DDC: variants seen among roughly 807,000 people sequenced by gnomAD.
DDC encodes dopa decarboxylase, also known as aromatic-L-amino-acid decarboxylase.
A neutral mutation model predicts 60.0 loss-of-function variants in DDC; 43 were observed. The ratio of observed to expected loss-of-function variants is 0.72; its 90% confidence interval spans 0.56 to 0.92. The LOEUF (loss-of-function observed/expected upper bound fraction) is 0.92. DDC is among the 40% of genes least tolerant of loss of function. The pLI is 0.00. For synonymous variants in DDC, 232 were observed against 234.6 expected, an observed-to-expected ratio of 0.99 and a Z score of 0.10; for missense variants, 573 against 620.2, an observed-to-expected ratio of 0.92 and a Z score of 0.81.
Position 50,529,477 on chromosome 7 carries a change from T to C in DDC, c.436-135A>G, listed in dbSNP as rs575111160. On this transcript the variant is annotated intron_variant, in intron 4 of 14. Coordinates refer to ENST00000444124, the MANE Select transcript of DDC (RefSeq NM_001082971.2). The stretch of plus-strand genomic sequence containing the variant: ...TCTGAAATGGCAAAATTCACTCTCC[T>C]TTGCTTAGGAGAAAACTAATATTTT... The C allele has an allele frequency of 6.9e-5, 71 of 1,036,014 alleles. No homozygotes were observed. The African/African-American group carries it at 1.1e-3, about 16-fold the overall frequency. The allele number at this position is 1,036,014 out of a possible 1,614,324, so 64.2% of individuals were successfully genotyped here. A position where few individuals can be genotyped will look rare whatever the true frequency, so the allele number is the denominator to read the frequency against.
At chr7:50,460,361 G>A (rs1375748813) in intron 14 of DDC, among the ~76,000 whole-genome samples, 2 of 144,318 alleles carry the variant, frequency 1.4e-5, no homozygotes, top group African/African-American at 5.3e-5. Context: ...GAAGGAGGTG[G>A]GAGGGTCAGC....
intron 6 of DDC, among the ~76,000 whole-genome samples, chr7:50,506,825 G>A (rs562306793): frequency 1.3e-5 from 2 of 152,334 alleles, no homozygotes; most frequent in South Asian, 2.1e-4. Flanking sequence ...ATACCTCAAT[G>A]TTTCTCCTGG....
chr7:50,460,488 G>A (rs867564994), intron 14 of DDC, among the ~76,000 whole-genome samples: 5 of 151,362 alleles, frequency 3.3e-5, no homozygotes, highest in East Asian at 2.0e-4. Context: ...GCCTCTGCCC[G>A]GCCGCCCCTA....
intron 1 of DDC, among the ~76,000 whole-genome samples, chr7:50,546,864 A>T (rs1427852972): frequency 6.6e-6 from 1 of 152,260 alleles, no homozygotes; most frequent in Admixed American, 6.5e-5. Context: ...GAGAACAACC[A>T]CAATGACTGT....
intron 4 of DDC, among the ~76,000 whole-genome samples, chr7:50,530,702 G>A (rs1029173164): frequency 2.0e-5 from 3 of 152,130 alleles, no homozygotes; most frequent in East Asian, 1.9e-4. Flanking sequence ...TAGGGGCAGC[G>A]AGCACCTTCC....
intron 6 of DDC, 58 bp from the exon 7 acceptor site, chr7:50,504,117 C>T: frequency 7.9e-7 from 1 of 1,268,550 alleles, no homozygotes. Context: ...CCGCTGTAAC[C>T]TCCACACAAG....
chr7:50,540,095 C>T (rs1045338225), intron 2 of DDC, 67 bp from the exon 3 acceptor site: 26 of 1,246,818 alleles, frequency 2.1e-5, no homozygotes, highest in Non-Finnish European at 3.0e-5. Context: ...GCGGGGGACC[C>T]AGGTACCCCC....
chr7:50,461,243 T>C (rs1458773369), intron 14 of DDC, among the ~76,000 whole-genome samples: 2 of 152,196 alleles, frequency 1.3e-5, no homozygotes, highest in African/African-American at 4.8e-5. Flanking sequence ...ACTGTATTAG[T>C]GTCAACTAGA....
intron 1 of DDC, among the ~76,000 whole-genome samples, chr7:50,545,105 G>T (rs970573086): frequency 3.9e-5 from 6 of 152,214 alleles, no homozygotes; most frequent in African/African-American, 1.4e-4. Context: ...TGTGAAGGAT[G>T]TGGCACTGAA....
At position 50,463,313 on chromosome 7, in the gene DDC, G is replaced by A. The variant is rs147562019; in HGVS notation, c.1361C>T (p.Thr454Met). The A allele has an allele frequency of 5.0e-5, 80 of 1,614,094 alleles. No homozygotes were observed. The Admixed American group carries it at 6.3e-4, about 13-fold the overall frequency. ...FVLRFAICSRTVESAHVQRAW... is the reference protein window; with the variant it reads ...FVLRFAICSRMVESAHVQRAW... ...CCGCTGCACATGGGCAGATTCCACC[G>A]TGCGAGAACAGATGGCAAAGCGCAG... The change falls in exon 14 of 15, where the codon ACG becomes ATG. Residue 454 changes from threonine to methionine, a missense_variant. Thr to Met is a moderately conservative substitution (Grantham distance 81). Coordinates refer to ENST00000444124, the MANE Select transcript of DDC (RefSeq NM_001082971.2).
intron 6 of DDC, among the ~76,000 whole-genome samples, chr7:50,504,501 A>C (rs2043339507): frequency 6.6e-6 from 1 of 151,138 alleles, no homozygotes; most frequent in African/African-American, 2.4e-5. Context: ...CTATGTTCTT[A>C]TATTCCATAT....
chr7:50,471,825 T>A (rs1359230986), intron 11 of DDC, among the ~76,000 whole-genome samples: 1 of 152,046 alleles, frequency 6.6e-6, no homozygotes, highest in East Asian at 1.9e-4. Flanking sequence ...GAACCCCTTA[T>A]CCCACCACTA....
At position 50,538,018 on chromosome 7, in the gene DDC, G is replaced by A. The variant is rs776127586; in HGVS notation, c.316-39C>T. The A allele has an allele frequency of 1.9e-6, 3 of 1,613,882 alleles. No homozygotes were observed. In the South Asian group the frequency reaches 3.3e-5, roughly 18 times the overall value. On this transcript the variant is annotated intron_variant, in intron 3 of 14. Transcript: ENST00000444124. The stretch of plus-strand genomic sequence containing the variant: ...AGGGAAGGGATTAACCGAGGGCCAG[G>A]CATTGCAGAATTTGGGGGTCAGCAG...
chr7:50,469,254 TTAAAAAAAAAA>T (rs1187200967), intron 12 of DDC, among the ~76,000 whole-genome samples: 1 of 124,800 alleles, frequency 8.0e-6, no homozygotes, highest in Non-Finnish European at 1.7e-5. Flanking sequence ...AATTGTTATT[TTAAAAAAAAAA>T]AAAAAAAAAA....
intron 13 of DDC, 84 bp downstream of exon 13, chr7:50,467,130 G>C: frequency 8.2e-7 from 1 of 1,219,488 alleles, no homozygotes; most frequent in South Asian, 1.2e-5. Context: ...GCCAGTGCCA[G>C]TGTTTGAGCA....
intron 2 of DDC, among the ~76,000 whole-genome samples, chr7:50,540,683 G>T (rs764015726): frequency 2.6e-5 from 4 of 152,142 alleles, no homozygotes; most frequent in Non-Finnish European, 4.4e-5. Flanking sequence ...CTTGCCATTT[G>T]CCCTGGCTAG....
intron 1 of DDC, among the ~76,000 whole-genome samples, chr7:50,548,024 A>G (rs1394492622): frequency 6.6e-6 from 1 of 152,200 alleles, no homozygotes; most frequent in Admixed American, 6.5e-5. Flanking sequence ...TTAATCTGTT[A>G]TAGTGATCTA....
chr7:50,515,351 C>T (rs1316555214), intron 6 of DDC, among the ~76,000 whole-genome samples: 1 of 152,146 alleles, frequency 6.6e-6, no homozygotes, highest in Non-Finnish European at 1.5e-5. Flanking sequence ...TTCAGACAAA[C>T]AAATGCTGAG....
At chr7:50,473,011 C>T (rs1399032498) in intron 11 of DDC, among the ~76,000 whole-genome samples, 2 of 152,202 alleles carry the variant, frequency 1.3e-5, no homozygotes. Context: ...CCCAGCAAAG[C>T]AAATGCTCTG....
Sources: gnomAD v4.1 joint callset for allele counts (sites outside exome capture counted in the v4.1 genomes callset) on GRCh38, gnomAD v4.1.1 for gene constraint, MANE v1.5 for transcripts, NCBI Gene and HGNC (gene_info 2026-07-23, HGNC 2026-07-21) for gene names.